The following KCNT2 variants were observed in gnomAD, a reference collection of about 807,000 sequenced individuals.
KCNT2 encodes potassium sodium-activated channel subfamily T member 2.
In KCNT2, 67 loss-of-function variants were observed where a neutral mutation model predicts 153.8. The observed-to-expected ratio is 0.44, with a 90% CI of 0.36 to 0.53. KCNT2 has a LOEUF of 0.53. KCNT2 is among the 20% of genes least tolerant of loss of function. The pLI is 0.00. For missense variants in KCNT2, 975 were observed against 1,354.8 expected (o/e 0.72, Z 4.40); for synonymous variants, 500 against 458.8 (o/e 1.09, Z -1.15).
At chr1:196,334,536 AC>A (rs1328003064) in intron 16 of KCNT2, among the ~76,000 whole-genome samples, 3 of 129,088 alleles carry the variant, frequency 2.3e-5, no homozygotes, top group African/African-American at 9.0e-5. Context: ...GTGCAGTGGC[AC>A]AATCTCGGCT....
rs376409121 is a variant in KCNT2 at position 196,534,085 on chromosome 1, G to A, written c.96-41744C>T. Among the ~76,000 whole-genome samples the A allele has an allele frequency of 2.6e-5, 4 of 151,644 alleles. No individual in the cohort carries two copies. In the South Asian group the frequency reaches 8.3e-4, roughly 32 times the overall value. On this transcript the variant is annotated intron_variant, in intron 1 of 27. Coordinates refer to ENST00000294725, the MANE Select transcript of KCNT2 (RefSeq NM_198503.5). ...GCATTCAGTGCACAAAAACTTGGAA[G>A]GTAATAGATTGGTGGGGAAAAAAAA...
chr1:196,530,247 T>C (rs1345045083), intron 1 of KCNT2, among the ~76,000 whole-genome samples: 1 of 151,928 alleles, frequency 6.6e-6, no homozygotes, highest in Non-Finnish European at 1.5e-5. Context: ...TAGGAGGAGA[T>C]TTAAAATTTA....
At chr1:196,389,306 T>A (rs1182025523) in intron 13 of KCNT2, among the ~76,000 whole-genome samples, 2 of 151,758 alleles carry the variant, frequency 1.3e-5, no homozygotes, top group African/African-American at 2.4e-5. Flanking sequence ...TTTCTCATGA[T>A]GTCTTTGGCT....
intron 22 of KCNT2, among the ~76,000 whole-genome samples, chr1:196,304,313 C>T (rs1254470904): frequency 6.6e-6 from 1 of 152,114 alleles, no homozygotes; most frequent in Non-Finnish European, 1.5e-5. Context: ...ATTTTCTCTA[C>T]CTCTTATATT....
chr1:196,467,874 GT>G, intron 6 of KCNT2, 88 bp from the exon 7 acceptor site: 1 of 608,630 alleles, frequency 1.6e-6, no homozygotes, highest in South Asian at 3.2e-5. Flanking sequence ...AAAAAAAGCT[GT>G]TAAAGAAAGT....
rs542939238 is a variant in KCNT2, at chr1:196,498,722, C to T, written c.96-6381G>A. Among the ~76,000 whole-genome samples, 361 of 152,252 alleles carry T rather than the reference C, an allele frequency of 2.4e-3. 4 individuals carry two copies. Among genetic ancestry groups the T allele is most frequent in the Non-Finnish European group, 4.2e-3 (288 of 68,020 alleles). ...CTAGATTGTGGCATCCTGCTAATTC[C>T]GTGTTTGGTGATCTGACTTTGATCA... On this transcript the variant is annotated intron_variant, in intron 1 of 27. Transcript: ENST00000294725.
chr1:196,452,955 C>T (rs971848486), intron 8 of KCNT2, among the ~76,000 whole-genome samples: 10 of 151,932 alleles, frequency 6.6e-5, no homozygotes, highest in African/African-American at 2.4e-4. Flanking sequence ...AACAGAAACA[C>T]TCAGAATGTT....
chr1:196,310,482 A>G (rs1393727952), intron 21 of KCNT2, among the ~76,000 whole-genome samples: 4 of 151,948 alleles, frequency 2.6e-5, no homozygotes, highest in African/African-American at 9.7e-5. Flanking sequence ...TCACCAATCT[A>G]AACATTAAAA....
chr1:196,450,974 C>T (rs1196013143), intron 8 of KCNT2, among the ~76,000 whole-genome samples: 2 of 151,744 alleles, frequency 1.3e-5, no homozygotes, highest in Non-Finnish European at 2.9e-5. Flanking sequence ...TCCCTGAACA[C>T]CCTACCTAAA....
intron 26 of KCNT2, chr1:196,257,372 A>G: frequency 1.0e-6 from 1 of 978,760 alleles, no homozygotes; most frequent in Non-Finnish European, 1.2e-6. Flanking sequence ...TCAATAATAA[A>G]CAAGAGAAAA....
intron 1 of KCNT2, among the ~76,000 whole-genome samples, chr1:196,495,446 C>T (rs902449142): frequency 2.0e-5 from 3 of 151,950 alleles, no homozygotes; most frequent in Non-Finnish European, 2.9e-5. Context: ...ATAATCTCAC[C>T]GCTTCCTTTT....
At chr1:196,601,708 C>G (rs991340721) in intron 1 of KCNT2, among the ~76,000 whole-genome samples, 1 of 152,126 alleles carries the variant, frequency 6.6e-6, no homozygotes, top group Non-Finnish European at 1.5e-5. Context: ...AATTCTCTGA[C>G]CCTGTATGTT....
intron 7 of KCNT2, 51 bp downstream of exon 7, chr1:196,467,652 A>G (rs1428405652): frequency 8.2e-7 from 1 of 1,216,606 alleles, no homozygotes; most frequent in Non-Finnish European, 1.2e-6. Context: ...CATTGAAAAT[A>G]AGAAATGGTT....
chr1:196,313,644 TAC>T (rs539961312), intron 21 of KCNT2, among the ~76,000 whole-genome samples: 59 of 151,672 alleles, frequency 3.9e-4, no homozygotes, highest in South Asian at 3.1e-3. Flanking sequence ...TAGCTTAGCA[TAC>T]ACAGATTAGC....
intron 25 of KCNT2, among the ~76,000 whole-genome samples, chr1:196,279,189 A>T (rs1303728650): frequency 6.6e-6 from 1 of 152,146 alleles, no homozygotes; most frequent in East Asian, 1.9e-4. Context: ...AAAGCACTTG[A>T]TCTTCTCTTA....
chr1:196,476,337 A>C (rs1293355549), intron 5 of KCNT2, among the ~76,000 whole-genome samples: 2 of 152,202 alleles, frequency 1.3e-5, no homozygotes, highest in South Asian at 2.1e-4. Flanking sequence ...CATGTATATT[A>C]ATGAACATTA....
chr1:196,540,299 G>T (rs1398657258), intron 1 of KCNT2, among the ~76,000 whole-genome samples: 1 of 151,878 alleles, frequency 6.6e-6, no homozygotes, highest in Non-Finnish European at 1.5e-5. Context: ...GAATTCCAAA[G>T]GAAATTGACT....
intron 26 of KCNT2, among the ~76,000 whole-genome samples, chr1:196,254,355 C>T (rs534473101): frequency 1.3e-5 from 2 of 151,372 alleles, no homozygotes; most frequent in Admixed American, 1.3e-4. Flanking sequence ...TTAGGAAAAG[C>T]TAAATGATAT....
At position 196,277,446 on chromosome 1, in the gene KCNT2, C is replaced by T. The variant is rs114394497; in HGVS notation, c.2910+3414G>A. ...GTACAGAATGTATCTTTTAACTTAG[C>T]GTTCAGAATTCAGTGTGATACTCCT... On this transcript the variant is annotated intron_variant, in intron 25 of 27. Coordinates refer to ENST00000294725, the MANE Select transcript of KCNT2 (RefSeq NM_198503.5). Among the ~76,000 whole-genome samples the T allele has an allele frequency of 3.2e-3, 493 of 152,206 alleles. 2 individuals are homozygous for T. Among genetic ancestry groups the T allele is most frequent in the African/African-American group, 0.011 (443 of 41,524 alleles).
Sources: gnomAD v4.1 joint callset for allele counts (sites outside exome capture counted in the v4.1 genomes callset) on GRCh38, gnomAD v4.1.1 for gene constraint, MANE v1.5 for transcripts, NCBI Gene and HGNC (gene_info 2026-07-23, HGNC 2026-07-21) for gene names.